Variants in SLC9A9 observed in about 807,000 individuals in gnomAD.
The protein encoded by SLC9A9 is sodium/hydrogen exchanger 9.
SLC9A9 carries 62 observed loss-of-function variants against 77.8 expected under a neutral mutation model. The ratio of observed to expected loss-of-function variants is 0.80; its 90% confidence interval spans 0.65 to 0.98. The LOEUF is 0.98. SLC9A9 is among the 50% of genes least tolerant of loss of function. The pLI is 0.00. For synonymous variants in SLC9A9, 320 were observed against 283.5 expected (o/e 1.13, Z -1.29); for missense variants, 775 against 774.9 (o/e 1.00, Z 0.00).
At chr3:143,778,428 CA>C (rs981715699) in intron 4 of SLC9A9, among the ~76,000 whole-genome samples, 20 of 152,156 alleles carry the variant, frequency 1.3e-4, no homozygotes, top group African/African-American at 4.8e-4. Flanking sequence ...AATTTTAAAA[CA>C]AATATCGCAC....
Position 143,387,928 on chromosome 3 carries a change from C to G in SLC9A9, c.1470-5814G>C, listed in dbSNP as rs534581864. On this transcript the variant is annotated intron_variant, in intron 12 of 15. Transcript: ENST00000316549. ...CCTCCAAAAAGGCACTGAAATACTA[C>G]TAGGGCTTAGTTTCATTGTGTGAAT... 3.9e-5 allele frequency among the ~76,000 whole-genome samples: 6 copies of G among 152,308 alleles called. No homozygotes were observed. In the South Asian group the frequency reaches 1.2e-3, roughly 32 times the overall value.
intron 5 of SLC9A9, chr3:143,655,445 T>C: frequency 1.0e-6 from 1 of 984,004 alleles, no homozygotes; most frequent in Non-Finnish European, 1.2e-6. Flanking sequence ...TCCGATTTCT[T>C]AAACCTTTGA....
intron 15 of SLC9A9, among the ~76,000 whole-genome samples, chr3:143,267,897 T>C (rs1175218845): frequency 6.6e-6 from 1 of 152,242 alleles, no homozygotes; most frequent in East Asian, 1.9e-4. Flanking sequence ...GGGGGATTTT[T>C]AGGGCAGTGG....
At chr3:143,635,555 T>G (rs1389069436) in intron 6 of SLC9A9, among the ~76,000 whole-genome samples, 1 of 152,258 alleles carries the variant, frequency 6.6e-6, no homozygotes, top group Non-Finnish European at 1.5e-5. Flanking sequence ...AAGTTGCGGA[T>G]GAATTATGTT....
intron 8 of SLC9A9, among the ~76,000 whole-genome samples, chr3:143,560,852 C>T (rs1037714504): frequency 6.6e-6 from 1 of 152,104 alleles, no homozygotes; most frequent in Non-Finnish European, 1.5e-5. Context: ...ATAAATGTAT[C>T]CACTGGAGAC....
intron 6 of SLC9A9, among the ~76,000 whole-genome samples, chr3:143,620,198 T>G (rs1021635163): frequency 3.3e-5 from 5 of 152,208 alleles, no homozygotes; most frequent in African/African-American, 1.2e-4. Context: ...CACTTCAAAA[T>G]ATACCATATA....
intron 8 of SLC9A9, 65 bp downstream of exon 8, chr3:143,574,023 G>A: frequency 7.2e-7 from 1 of 1,384,502 alleles, no homozygotes; most frequent in East Asian, 2.3e-5. Context: ...GGTCAGGGAG[G>A]GGCACACACC....
intron 10 of SLC9A9, among the ~76,000 whole-genome samples, chr3:143,494,507 T>G (rs1348339541): frequency 6.6e-6 from 1 of 152,208 alleles, no homozygotes; most frequent in African/African-American, 2.4e-5. Context: ...GAAAAGAGAC[T>G]AAGAAGCAAA....
chr3:143,327,578 T>C (rs2031642619), intron 14 of SLC9A9, among the ~76,000 whole-genome samples: 1 of 152,216 alleles, frequency 6.6e-6, no homozygotes, highest in Non-Finnish European at 1.5e-5. Flanking sequence ...AGCATTTTCC[T>C]CTACCCACTC....
chr3:143,555,341 G>C (rs912024481), intron 8 of SLC9A9, among the ~76,000 whole-genome samples: 3 of 152,232 alleles, frequency 2.0e-5, no homozygotes, highest in African/African-American at 4.8e-5. Flanking sequence ...ATCCAGTCTT[G>C]AACATATCTT....
chr3:143,472,264 A>G (rs553401248), intron 11 of SLC9A9, among the ~76,000 whole-genome samples: 2 of 152,212 alleles, frequency 1.3e-5, no homozygotes, highest in South Asian at 4.1e-4. Context: ...GGTGTATTAG[A>G]GATGCAAAAG....
chr3:143,361,162 C>T (rs1277626221), intron 14 of SLC9A9, among the ~76,000 whole-genome samples: 2 of 152,228 alleles, frequency 1.3e-5, no homozygotes, highest in African/African-American at 4.8e-5. Flanking sequence ...AGTACTTCTG[C>T]TGATTCTATT....
intron 9 of SLC9A9, among the ~76,000 whole-genome samples, chr3:143,530,673 AC>A (rs141970932): frequency 0.16 from 23,514 of 151,502 alleles, 2,268 homozygotes; most frequent in Non-Finnish European, 0.21. Flanking sequence ...AAACAAACAA[AC>A]AAAAACCAAA....
intron 12 of SLC9A9, among the ~76,000 whole-genome samples, chr3:143,411,177 C>T (rs1308976769): frequency 6.6e-6 from 1 of 152,166 alleles, no homozygotes; most frequent in Non-Finnish European, 1.5e-5. Flanking sequence ...CAGTAAGTAA[C>T]CTGTTCTATC....
chr3:143,467,138 C>A lies in SLC9A9; in HGVS notation c.1368G>T (p.Gln456His). The A allele has an allele frequency of 6.2e-7, 1 of 1,614,200 alleles. No individual in the cohort carries two copies. Among genetic ancestry groups the A allele is most frequent in the Middle Eastern group, 1.6e-4 (1 of 6,062 alleles). Reference sequence around the variant, plus strand: ...TAGTGGTAAACATCATTTGTTTGGGCTGAGATTCTGTGTTCCGAATAGCTA... The same window carrying A: ...TAGTGGTAAACATCATTTGTTTGGGATGAGATTCTGTGTTCCGAATAGCTA... The part of the protein sequence containing the change: ...FALAIRNTES[Q>H]PKQMMFTTTL... The change falls in exon 12 of 16, where the codon CAG becomes CAT. Residue 456 changes from glutamine to histidine, a missense_variant. Coordinates refer to ENST00000316549, the MANE Select transcript of SLC9A9 (RefSeq NM_173653.4).
intron 14 of SLC9A9, among the ~76,000 whole-genome samples, chr3:143,298,729 A>C (rs2030388282): frequency 6.6e-6 from 1 of 152,218 alleles, no homozygotes; most frequent in African/African-American, 2.4e-5. Flanking sequence ...CCTTTCCCAA[A>C]GACAAAGAAG....
chr3:143,341,460 A>ACGTGTTGG (rs918396765), intron 14 of SLC9A9, among the ~76,000 whole-genome samples: 3 of 152,168 alleles, frequency 2.0e-5, no homozygotes, highest in African/African-American at 7.2e-5. Context: ...AAGGGATGAA[A>ACGTGTTGG]CGTGTTGGAG....
At chr3:143,768,602 A>G (rs1470030314) in intron 4 of SLC9A9, among the ~76,000 whole-genome samples, 1 of 152,224 alleles carries the variant, frequency 6.6e-6, no homozygotes, top group East Asian at 1.9e-4. Flanking sequence ...AATTACGCAT[A>G]CAATAAGACA....
chr3:143,842,509 A>C (rs2009734271), intron 1 of SLC9A9, among the ~76,000 whole-genome samples: 1 of 152,252 alleles, frequency 6.6e-6, no homozygotes, highest in Admixed American at 6.5e-5. Context: ...AACATTGTAC[A>C]ACTCTCTGAA....
Sources: allele counts gnomAD v4.1 joint callset (sites outside exome capture counted in the v4.1 genomes callset), GRCh38; gene constraint gnomAD v4.1.1; transcripts MANE v1.5; gene names NCBI Gene and HGNC (gene_info 2026-07-23, HGNC 2026-07-21).